The following TMEM205 variants were observed in gnomAD, a reference collection of about 807,000 sequenced individuals.
TMEM205 encodes the protein MBC3205.
In TMEM205, 11 loss-of-function variants were observed where a neutral mutation model predicts 17.9. That is an observed-to-expected ratio of 0.61 (90% confidence interval 0.39 to 1.02). The LOEUF is 1.02. Among genes scored for constraint, TMEM205 ranks in the 50% least tolerant of loss-of-function variants. The pLI is 0.01. For missense variants in TMEM205, 236 were observed against 239.4 expected, an observed-to-expected ratio of 0.99 and a Z score of 0.09; for synonymous variants, 86 against 97.4, an observed-to-expected ratio of 0.88 and a Z score of 0.69.
At position 11,344,244 on chromosome 19, in the gene TMEM205, ATTT is replaced by A. The variant is rs1274485147; in HGVS notation, c.264+1005_264+1007del. 2.0e-5 allele frequency among the ~76,000 whole-genome samples: 3 copies of A among 151,496 alleles called. No individual in the cohort carries two copies. The East Asian group carries it at 5.8e-4, about 29-fold the overall frequency. On this transcript the variant is annotated intron_variant, in intron 2 of 2. Coordinates refer to ENST00000354882, the MANE Select transcript of TMEM205 (RefSeq NM_198536.3). ...AGGCATGAGCCACTGCGCCCAGCCT[ATTT>A]TTTTTAATTAGGAAAAATGTTTTTG...
rs755476643 is a variant in TMEM205 at position 11,342,786 on chromosome 19, G to A, written c.*29C>T. The stretch of plus-strand genomic sequence containing the variant: ...AAAAAAGACAGCAGCCATTTCTGAA[G>A]AAGCATTTATTAGCATGCAGGGCCC... On this transcript the variant is annotated 3_prime_UTR_variant, in exon 3 of 3. Transcript: ENST00000354882. 1 of 1,574,102 alleles carries A rather than the reference G, an allele frequency of 6.4e-7. No individual in the cohort carries two copies. The highest frequency in any genetic ancestry group is 8.6e-7 in the Non-Finnish European group (1 of 1,160,328).
At position 11,342,896 on chromosome 19, in the gene TMEM205, C is replaced by T. The variant is rs753082143; in HGVS notation, c.489G>A (p.Leu163=). 1.2e-6 allele frequency: 2 copies of T among 1,614,204 alleles called. No individual in the cohort carries two copies. Among genetic ancestry groups the T allele is most frequent in the Non-Finnish European group, 1.7e-6 (2 of 1,180,042 alleles). The change falls in exon 3 of 3, where the codon CTG becomes CTA. Residue 163 remains leucine, a synonymous_variant. Coordinates refer to ENST00000354882, the MANE Select transcript of TMEM205 (RefSeq NM_198536.3). ...CGCAGCCCAGATTGCAAAGAGAGGA[C>T]AGCCCATGGTAGCGGAAGAAATTCT... is the stretch of plus-strand genomic sequence containing the variant. ...LRQNFFRYHG[L]SSLCNLGCVL... is the part of the protein sequence containing the mutation.
intron 2 of TMEM205, 66 bp from the exon 3 acceptor site, chr19:11,343,186 C>G: frequency 6.0e-6 from 7 of 1,175,712 alleles, no homozygotes; most frequent in Non-Finnish European, 7.3e-6. Flanking sequence ...TAGGGAGGGT[C>G]TTTCTGCATC....
In TMEM205 at chr19:11,345,374, G is replaced by A; in HGVS notation, c.142C>T (p.Leu48=). 1 of 1,614,212 alleles carries A rather than the reference G, an allele frequency of 6.2e-7. No homozygotes were observed. Among genetic ancestry groups the A allele is most frequent in the Non-Finnish European group, 8.5e-7 (1 of 1,180,046 alleles). ...FRSLPRHTFG[L]VQSKLFPFYF... ...AAGGGGAAGAGTTTGCTCTGCACTA[G>A]TCCGAAGGTATGTCGGGGAAGGCTT... is the stretch of plus-strand genomic sequence containing the variant. The change falls in exon 2 of 3, where the codon CTA becomes TTA. Residue 48 remains leucine, a synonymous_variant. Transcript: ENST00000354882.
chr19:11,345,283 C>G lies in TMEM205; in HGVS notation c.233G>C (p.Trp78Ser). 6.2e-7 allele frequency: 1 copy of G among 1,614,100 alleles called. No individual in the cohort carries two copies. The highest frequency in any genetic ancestry group is 8.5e-7 in the Non-Finnish European group (1 of 1,180,022). The change falls in exon 2 of 3, where the codon TGG (tryptophan) becomes TCG (serine). Residue 78 changes from tryptophan (W) to serine (S), a missense_variant. Coordinates refer to ENST00000354882, the MANE Select transcript of TMEM205 (RefSeq NM_198536.3). The part of the protein sequence containing the change: ...NLCILASQHA[W>S]AQLTFWEASQ... ...GGCCTCCCAGAATGTGAGCTGAGCC[C>G]AAGCATGCTGTGAAGCCAAGATGCA...
intron 2 of TMEM205, among the ~76,000 whole-genome samples, chr19:11,344,180 T>TG (rs1479244282): frequency 2.0e-5 from 3 of 151,906 alleles, no homozygotes; most frequent in Admixed American, 2.0e-4. Context: ...CCTGACCTCG[T>TG]GATCCACCCA....
At chr19:11,346,437 A>G (rs549737460), upstream of TMEM205, 5 of 755,162 alleles carry the variant, frequency 6.6e-6, no homozygotes, top group African/African-American at 5.4e-5. Flanking sequence ...TACTAAGCGC[A>G]GCTGAAGCGT....
intron 2 of TMEM205, 78 bp from the exon 3 acceptor site, chr19:11,343,198 T>C: frequency 2.7e-6 from 3 of 1,116,540 alleles, no homozygotes; most frequent in Non-Finnish European, 3.8e-6. Flanking sequence ...TTCTGCATCC[T>C]CAACAGCACA....
chr19:11,342,860 A>G lies in TMEM205; in HGVS notation c.525T>C (p.Asn175=). The G allele has an allele frequency of 6.2e-7, 1 of 1,614,218 alleles. No homozygotes were observed. The highest frequency in any genetic ancestry group is 8.5e-7 in the Non-Finnish European group (1 of 1,180,028). ...GGGCAAGGCCAGCGAGACAGAGCCC[A>G]TTGCTCAGGACGCAGCCCAGATTGC... ...SLCNLGCVLS[N]GLCLAGLALE... The change falls in exon 3 of 3, where the codon AAT becomes AAC. Residue 175 remains asparagine, a synonymous_variant. Transcript: ENST00000354882.
At position 11,345,414 on chromosome 19, in the gene TMEM205, G is replaced by A; in HGVS notation, c.102C>T (p.Gly34=). The A allele has an allele frequency of 1.9e-6, 3 of 1,614,172 alleles. No homozygotes were observed. Among genetic ancestry groups the A allele is most frequent in the Non-Finnish European group, 1.7e-6 (2 of 1,180,032 alleles). The change falls in exon 2 of 3, where the codon GGC becomes GGT. Residue 34 remains glycine, a splice_region_variant and synonymous_variant. Coordinates refer to ENST00000354882, the MANE Select transcript of TMEM205 (RefSeq NM_198536.3). ...GMQMWVTFVS[G]FLLFRSLPRH... is the part of the protein sequence containing the mutation. ...GGGGAAGGCTTCGGAAAAGCAGGAA[G>A]CCTGCAGGGTATGGGGACCACAGGG...
In TMEM205 at chr19:11,345,512, G is replaced by C. The variant is rs770966976; in HGVS notation, c.100+8C>G. ...GGTACCCATGACATCCAAGCTGAGG[G>C]TCCCTACCTGAGACGAAGGTCACCC... On this transcript the variant is annotated splice_region_variant and intron_variant, in intron 1 of 2. Transcript: ENST00000354882. 7.4e-6 allele frequency: 12 copies of C among 1,613,952 alleles called. No individual in the cohort carries two copies. Among genetic ancestry groups the C allele is most frequent in the Non-Finnish European group, 9.3e-6 (11 of 1,180,022 alleles).
rs772680942 is a variant in TMEM205 at position 11,342,973 on chromosome 19, C to T, written c.412G>A (p.Asp138Asn). ...TTCTCTCGCAGCTGGCGGTAGGGAT[C>T]GGGACCCTGGTGGCTGCCTGGTACC... ...GEVPGSHQGP[D>N]PYRQLREKDP... The change falls in exon 3 of 3, where the codon GAT (aspartate) becomes AAT (asparagine). Residue 138 changes from aspartate to asparagine, a missense_variant. Physicochemically the swap from Asp to Asn is conservative, Grantham distance 23 (BLOSUM62 1). Coordinates refer to ENST00000354882, the MANE Select transcript of TMEM205 (RefSeq NM_198536.3). The T allele has an allele frequency of 9.3e-6, 15 of 1,614,034 alleles. No individual in the cohort carries two copies. The Admixed American group carries it at 2.2e-4, about 23-fold the overall frequency.
upstream of TMEM205, chr19:11,346,322 G>A: frequency 2.0e-6 from 1 of 508,512 alleles, no homozygotes. Context: ...CAATCGGGTC[G>A]TAGATCTGCA....
Position 11,345,766 on chromosome 19 carries a change from A to T in TMEM205, c.-147T>A. On this transcript the variant is annotated 5_prime_UTR_variant, in exon 1 of 3. Coordinates refer to ENST00000354882, the MANE Select transcript of TMEM205 (RefSeq NM_198536.3). ...GCAAAGCATCCCGGGAATGAGAGTG[A>T]GAAAGGCCCAAAGCAGTCAAGGCCC... 2.1e-6 allele frequency: 3 copies of T among 1,433,012 alleles called. No individual in the cohort carries two copies. The highest frequency in any genetic ancestry group is 2.8e-6 in the Non-Finnish European group (3 of 1,090,540). The allele number at this position is 1,433,012 out of a possible 1,614,324, so 88.8% of individuals were successfully genotyped here. A position where few individuals can be genotyped will look rare whatever the true frequency, so the allele number is the denominator to read the frequency against.
intron 2 of TMEM205, among the ~76,000 whole-genome samples, chr19:11,344,312 A>G (rs117138026): frequency 1.0e-3 from 155 of 152,154 alleles, no homozygotes; most frequent in Non-Finnish European, 1.3e-3. Context: ...TATCTGTTTT[A>G]AGTATTTGAA....
upstream of TMEM205, chr19:11,346,402 G>A (rs1486453707): frequency 3.1e-6 from 2 of 635,138 alleles, no homozygotes; most frequent in Non-Finnish European, 5.5e-6. Context: ...CCCCTCCACG[G>A]GCTTTTATCC....
At chr19:11,344,276 T>C (rs1282189549) in intron 2 of TMEM205, among the ~76,000 whole-genome samples, 3 of 152,084 alleles carry the variant, frequency 2.0e-5, no homozygotes, top group Non-Finnish European at 4.4e-5. Flanking sequence ...GTTTTTGCCA[T>C]TCTCACATTG....
chr19:11,345,769 A>G lies in TMEM205; in HGVS notation c.-150T>C. 1 of 1,419,784 alleles carries G rather than the reference A, an allele frequency of 7.0e-7. No homozygotes were observed. The highest frequency in any genetic ancestry group is 9.3e-7 in the Non-Finnish European group (1 of 1,080,880). 87.9% of individuals were successfully genotyped at this position (1,419,784 alleles called of 1,614,324 possible). A position where few individuals can be genotyped will look rare whatever the true frequency, so the allele number is the denominator to read the frequency against. On this transcript the variant is annotated 5_prime_UTR_variant, in exon 1 of 3. Transcript: ENST00000354882. ...AAGCATCCCGGGAATGAGAGTGAGA[A>G]AGGCCCAAAGCAGTCAAGGCCCAAA...
rs1336699594 is a variant in TMEM205, at chr19:11,345,607, C to T, written c.13G>A (p.Gly5Arg). Reference protein sequence around the residue: MEEGGNLGGLIKMVH... With the variant: MEEGRNLGGLIKMVH... ...ATCTTAATCAGGCCTCCTAGGTTCC[C>T]GCCTTCCTCCATCTTGCAGTCCTGG... Residue 5 changes from glycine (G) to arginine (R), a missense_variant, in exon 1 of 3, where the codon GGG becomes AGG. Physicochemically the swap from Gly to Arg is moderately radical, Grantham distance 125. Transcript: ENST00000354882. 4 of 1,613,854 alleles carry T rather than the reference C, an allele frequency of 2.5e-6. No individual in the cohort carries two copies. Among genetic ancestry groups the T allele is most frequent in the Non-Finnish European group, 3.4e-6 (4 of 1,179,974 alleles).
Sources: allele counts gnomAD v4.1 joint callset (sites outside exome capture counted in the v4.1 genomes callset), GRCh38; gene constraint gnomAD v4.1.1; transcripts MANE v1.5; gene names NCBI Gene and HGNC (gene_info 2026-07-23, HGNC 2026-07-21).